The following VEGFD variants were observed in gnomAD, a reference collection of about 807,000 sequenced individuals.
VEGFD encodes the protein vascular endothelial growth factor D.
A neutral mutation model predicts 28.0 loss-of-function variants in VEGFD; 26 were observed. That is an observed-to-expected ratio of 0.93 (90% CI 0.68 to 1.29). VEGFD has a LOEUF of 1.29. VEGFD is among the 50% of genes most tolerant of loss of function. The pLI is 0.00. For synonymous variants in VEGFD, 93 were observed against 95.5 expected (o/e 0.97, Z 0.15); for missense variants, 294 against 273.4 (o/e 1.08, Z -0.53).
intron 1 of VEGFD, 121 bp from the exon 2 acceptor site, chrX:15,363,440 C>T (rs12011990): frequency 0.057 from 32,290 of 562,849 alleles, 1,201 homozygotes; most frequent in African/African-American, 0.22. Context: ...ACTATTGAAA[C>T]GTATGCCAGT....
chrX:15,380,882 C>T (rs1923554308), intron 1 of VEGFD, among the ~76,000 whole-genome samples: 1 of 112,315 alleles, frequency 8.9e-6, no homozygotes, highest in Admixed American at 9.4e-5. Flanking sequence ...ACATCGTGTA[C>T]AACTGTATAT....
chrX:15,378,798 T>C (rs1041833665), intron 1 of VEGFD, among the ~76,000 whole-genome samples: 9 of 109,765 alleles, frequency 8.2e-5, no homozygotes, highest in African/African-American at 2.7e-4. Flanking sequence ...TTGAAACAAT[T>C]TTTTTTTTAA....
chrX:15,373,280 G>T (rs761969726), intron 1 of VEGFD, among the ~76,000 whole-genome samples: 35 of 111,598 alleles, frequency 3.1e-4, no homozygotes, highest in Non-Finnish European at 5.6e-4. Flanking sequence ...AAGGTTTAAG[G>T]GGGGACCCTG....
chrX:15,352,273 C>T (rs1263925778), intron 5 of VEGFD, among the ~76,000 whole-genome samples: 1 of 110,936 alleles, frequency 9.0e-6, no homozygotes, highest in Non-Finnish European at 1.9e-5. Flanking sequence ...TAGTTTAAAA[C>T]AAGCAAGGTT....
At chrX:15,379,558 G>A (rs186737413) in intron 1 of VEGFD, among the ~76,000 whole-genome samples, 38 of 111,856 alleles carry the variant, frequency 3.4e-4, no homozygotes, top group African/African-American at 1.2e-3. Flanking sequence ...CACCAGAAAA[G>A]CAAGGGAAGA....
At chrX:15,354,038 G>A (rs1922800964) in intron 4 of VEGFD, among the ~76,000 whole-genome samples, 1 of 107,784 alleles carries the variant, frequency 9.3e-6, no homozygotes, top group African/African-American at 3.4e-5. Context: ...GCGCGATCTC[G>A]GCTCACTGCA....
intron 4 of VEGFD, among the ~76,000 whole-genome samples, chrX:15,354,206 C>G (rs1284039779): frequency 9.1e-6 from 1 of 110,082 alleles, no homozygotes; most frequent in African/African-American, 3.3e-5. Flanking sequence ...CTCCTGACCT[C>G]GTGATCTGCC....
intron 1 of VEGFD, among the ~76,000 whole-genome samples, chrX:15,373,462 C>T (rs765539992): frequency 8.9e-6 from 1 of 112,188 alleles, no homozygotes; most frequent in South Asian, 3.7e-4. Flanking sequence ...CTTTAAAAAG[C>T]TGTTGGTGCT....
At chrX:15,369,102 C>T (rs768656077) in intron 1 of VEGFD, among the ~76,000 whole-genome samples, 1 of 111,497 alleles carries the variant, frequency 9.0e-6, no homozygotes, top group South Asian at 3.8e-4. Flanking sequence ...CCATAGCTTC[C>T]TAAGTATTAA....
rs1922536096 is a variant in VEGFD, at chrX:15,346,033, T to A, written c.*100A>T. 10 of 1,042,587 alleles carry A rather than the reference T, an allele frequency of 9.6e-6. No homozygotes were observed. In the South Asian group the frequency reaches 2.0e-4, roughly 20 times the overall value. 85.9% of individuals were successfully genotyped at this position (1,042,587 alleles called of 1,213,427 possible). On this transcript the variant is annotated 3_prime_UTR_variant, in exon 7 of 7. Transcript: ENST00000297904. ...GGATTCACTGTGGTGCTGTGTAAAA[T>A]GGATTTTTTTTTTAACACCTGGGAA...
At position 15,347,187 on chromosome X, in the gene VEGFD, C is replaced by T. The variant is rs750123121; in HGVS notation, c.915G>A (p.Lys305=). The part of the protein sequence containing the change: ...ESLETCCQKH[K]LFHPDTCSCE... Reference sequence around the variant, plus strand: ...ACCTGCAGGTGTCTGGGTGAAATAGCTTGTGCTTCTGGCAGCAGGTCTCCA... The same window carrying T: ...ACCTGCAGGTGTCTGGGTGAAATAGTTTGTGCTTCTGGCAGCAGGTCTCCA... Residue 305 remains lysine, a synonymous_variant, in exon 6 of 7, where the codon AAG becomes AAA. Transcript: ENST00000297904. 2.5e-6 allele frequency: 3 copies of T among 1,208,212 alleles called. No individual in the cohort carries two copies. The African/African-American group carries it at 5.2e-5, about 21-fold the overall frequency.
intron 5 of VEGFD, among the ~76,000 whole-genome samples, chrX:15,350,495 AC>A (rs1490815290): frequency 8.9e-6 from 1 of 112,102 alleles, no homozygotes; most frequent in African/African-American, 3.2e-5. Context: ...TTTAAGACTT[AC>A]CCCCGCAGGG....
chrX:15,362,023 C>CT lies in VEGFD; in HGVS notation c.301+1085_301+1086insA, dbSNP rs755703617. Among the ~76,000 whole-genome samples, 442 of 110,840 alleles carry CT rather than the reference C, an allele frequency of 4.0e-3. 3 individuals are homozygous for CT. The highest frequency in any genetic ancestry group is 0.014 in the African/African-American group (418 of 30,446). On this transcript the variant is annotated intron_variant, in intron 2 of 6. Transcript: ENST00000297904. Reference sequence around the variant, plus strand: ...AGTTGGGATTACAGGCATGCACCGCCATGCCTGGCTAATTTTGTATTTTTA... The same window carrying CT: ...AGTTGGGATTACAGGCATGCACCGCCTATGCCTGGCTAATTTTGTATTTTTA...
In VEGFD at chrX:15,380,513, T is replaced by C. The variant is rs1411957552; in HGVS notation, c.90+3344A>G. Among the ~76,000 whole-genome samples, 3 of 112,488 alleles carry C rather than the reference T, an allele frequency of 2.7e-5. No homozygotes were observed. The Admixed American group carries it at 2.8e-4, about 11-fold the overall frequency. Reference sequence around the variant, plus strand: ...AAAGAGGGTGGATAAAAAAAGACAGTACACAGGGAAGATAAAGCAGAAAGA... The same window carrying C: ...AAAGAGGGTGGATAAAAAAAGACAGCACACAGGGAAGATAAAGCAGAAAGA... On this transcript the variant is annotated intron_variant, in intron 1 of 6. Transcript: ENST00000297904.
At chrX:15,379,121 C>T (rs1014150644) in intron 1 of VEGFD, among the ~76,000 whole-genome samples, 1 of 111,815 alleles carries the variant, frequency 8.9e-6, no homozygotes, top group African/African-American at 3.3e-5. Flanking sequence ...ACTGTATCCG[C>T]TCCCCCTACT....
intron 5 of VEGFD, among the ~76,000 whole-genome samples, chrX:15,351,409 G>A (rs906460055): frequency 4.7e-5 from 5 of 106,686 alleles, no homozygotes; most frequent in Non-Finnish European, 7.8e-5. Flanking sequence ...GTGAGCCACC[G>A]CGCCCGGCCG....
chrX:15,346,597 C>T (rs767293496), intron 6 of VEGFD, among the ~76,000 whole-genome samples: 7 of 112,240 alleles, frequency 6.2e-5, no homozygotes, highest in Non-Finnish European at 1.1e-4. Context: ...AAGCAATATC[C>T]TAATAACTGC....
At chrX:15,374,939 A>G (rs1569187990) in intron 1 of VEGFD, among the ~76,000 whole-genome samples, 1 of 111,103 alleles carries the variant, frequency 9.0e-6, no homozygotes. Flanking sequence ...AGGGTCAGGT[A>G]TATGGTAGGC....
chrX:15,383,808 A>G, intron 1 of VEGFD, 49 bp downstream of exon 1: 1 of 971,108 alleles, frequency 1.0e-6, no homozygotes, highest in South Asian at 1.9e-5. Context: ...AGTCCTCTGT[A>G]TGAGCCAATA....
Sources: allele counts gnomAD v4.1 joint callset (sites outside exome capture counted in the v4.1 genomes callset), GRCh38; gene constraint gnomAD v4.1.1; transcripts MANE v1.5; gene names NCBI Gene and HGNC (gene_info 2026-07-23, HGNC 2026-07-21).